Variants in CNBD1 observed in about 807,000 individuals in gnomAD.
The protein encoded by CNBD1 is cyclic nucleotide-binding domain-containing protein 1.
A neutral mutation model predicts 54.4 loss-of-function variants in CNBD1; 71 were observed. That is an observed-to-expected ratio of 1.30 (90% CI 1.08 to 1.59). CNBD1 has a LOEUF of 1.59. Ranked by LOEUF, CNBD1 falls within the 40% of genes most tolerant of loss-of-function variation. The pLI is 0.00. For synonymous variants in CNBD1, 182 were observed against 170.7 expected (o/e 1.07, Z -0.51); for missense variants, 659 against 518.0 (o/e 1.27, Z -2.64).
chr8:87,188,345 A>G (rs1813524064), intron 4 of CNBD1, among the ~76,000 whole-genome samples: 1 of 152,228 alleles, frequency 6.6e-6, no homozygotes, highest in African/African-American at 2.4e-5. Context: ...TGTGTGAGGC[A>G]AGGACAAGGT....
At chr8:87,155,407 C>G (rs1392287341) in intron 4 of CNBD1, among the ~76,000 whole-genome samples, 1 of 152,062 alleles carries the variant, frequency 6.6e-6, no homozygotes, top group African/African-American at 2.4e-5. Flanking sequence ...TAAATAGAGT[C>G]TGAGAAACCA....
chr8:87,323,657 C>T (rs1307441114), intron 8 of CNBD1, among the ~76,000 whole-genome samples: 1 of 134,902 alleles, frequency 7.4e-6, no homozygotes, highest in Non-Finnish European at 1.6e-5. Flanking sequence ...GATTTTGTAT[C>T]CTGAGACTTT....
chr8:87,380,986 A>T (rs182383269), intron 10 of CNBD1, among the ~76,000 whole-genome samples: 1 of 152,052 alleles, frequency 6.6e-6, no homozygotes, highest in Non-Finnish European at 1.5e-5. Flanking sequence ...TGTCTTGGCA[A>T]TGACTTCATG....
chr8:86,954,161 A>C (rs1314320177), intron 4 of CNBD1, among the ~76,000 whole-genome samples: 1 of 152,184 alleles, frequency 6.6e-6, no homozygotes, highest in Admixed American at 6.5e-5. Context: ...AAGCAAACAA[A>C]AATCTTTCAT....
rs1188419525 is a variant in CNBD1, at chr8:87,354,023, T to C, written c.1303+237T>C. On this transcript the variant is annotated intron_variant, in intron 10 of 10. Transcript: ENST00000518476. ...TTCATTTTCATCATATAGAAAGAGG[T>C]GAGGACTTGATGCCGAGGTTTGATG... The C allele has an allele frequency of 1.6e-5, 5 of 317,566 alleles. No homozygotes were observed. The East Asian group carries it at 2.6e-4, about 16-fold the overall frequency. The allele number at this position is 317,566 out of a possible 1,614,324, so 19.7% of individuals were successfully genotyped here.
intron 8 of CNBD1, among the ~76,000 whole-genome samples, chr8:87,319,887 G>T (rs1024102677): frequency 3.9e-5 from 6 of 151,970 alleles, no homozygotes; most frequent in Admixed American, 2.6e-4. Flanking sequence ...TGATACCCTT[G>T]CATTGGATTT....
chr8:87,275,661 A>G (rs1196516795), intron 6 of CNBD1, among the ~76,000 whole-genome samples: 10 of 151,676 alleles, frequency 6.6e-5, no homozygotes, highest in Admixed American at 3.3e-4. Flanking sequence ...GAAAACTGGC[A>G]CAAGACAGGG....
chr8:87,354,053 G>A (rs1048421647), intron 10 of CNBD1, among the ~76,000 whole-genome samples: 2 of 152,090 alleles, frequency 1.3e-5, no homozygotes, highest in Admixed American at 1.3e-4. Context: ...TTGATGCAGG[G>A]GCTGCCTGAG....
At chr8:87,361,219 A>C (rs1027181171) in intron 10 of CNBD1, among the ~76,000 whole-genome samples, 1 of 151,970 alleles carries the variant, frequency 6.6e-6, no homozygotes, top group African/African-American at 2.4e-5. Context: ...CTCCTCTTAT[A>C]ATTTGTTATT....
chr8:86,878,701 G>T (rs1378153269), intron 1 of CNBD1, among the ~76,000 whole-genome samples: 2 of 152,102 alleles, frequency 1.3e-5, no homozygotes, highest in Non-Finnish European at 2.9e-5. Flanking sequence ...TTCAAGTAAG[G>T]TTTAGTGGCT....
intron 10 of CNBD1, among the ~76,000 whole-genome samples, chr8:87,367,408 C>G (rs957899517): frequency 6.6e-6 from 1 of 152,022 alleles, no homozygotes; most frequent in African/African-American, 2.4e-5. Flanking sequence ...CTCATTACAT[C>G]CCCTTGCAGA....
chr8:87,046,132 A>C (rs1353317705), intron 4 of CNBD1, among the ~76,000 whole-genome samples: 1 of 150,784 alleles, frequency 6.6e-6, no homozygotes, highest in Middle Eastern at 3.2e-3. Flanking sequence ...TTGCATTACC[A>C]CTGCGGCTAG....
rs529011749 is a variant in CNBD1 at position 87,307,296 on chromosome 8, C to T, written c.1042+20625C>T. On this transcript the variant is annotated intron_variant, in intron 8 of 10. Coordinates refer to ENST00000518476, the MANE Select transcript of CNBD1 (RefSeq NM_173538.3). ...ACACAATTTAACTGGCATTAATTGA[C>T]GTACATGAGGATATTAAAGTGTAGG... Among the ~76,000 whole-genome samples the T allele has an allele frequency of 1.8e-4, 27 of 152,224 alleles. No individual in the cohort carries two copies. In the South Asian group the frequency reaches 2.5e-3, roughly 14 times the overall value.
rs753378577 is a variant in CNBD1 at position 87,236,907 on chromosome 8, TG to T, written c.578-11del. The T allele has an allele frequency of 6.3e-7, 1 of 1,576,540 alleles. No homozygotes were observed. On this transcript the variant is annotated splice_polypyrimidine_tract_variant and intron_variant, in intron 5 of 10. Coordinates refer to ENST00000518476, the MANE Select transcript of CNBD1 (RefSeq NM_173538.3). Reference sequence around the variant, plus strand: ...GCACACAGTATATATTTTTTGGCTTTGTTTTTTTCAGTGGTTGCAAATGATG... The same window carrying T: ...GCACACAGTATATATTTTTTGGCTTTTTTTTTTCAGTGGTTGCAAATGATG...
intron 1 of CNBD1, among the ~76,000 whole-genome samples, chr8:86,876,196 T>A (rs867788562): frequency 0.018 from 2,763 of 151,958 alleles, 53 homozygotes; most frequent in Middle Eastern, 0.15. Context: ...TGTGTGTGTG[T>A]GTGTGTGTGT....
chr8:86,930,318 T>G (rs2130401757), intron 3 of CNBD1, among the ~76,000 whole-genome samples: 1 of 152,298 alleles, frequency 6.6e-6, no homozygotes, highest in East Asian at 1.9e-4. Context: ...TTTAGATGCC[T>G]TGTACCCTTG....
At chr8:87,423,677 C>T (rs1480882731) in intron 2 of CNBD1, among the ~76,000 whole-genome samples, 1 of 149,464 alleles carries the variant, frequency 6.7e-6, no homozygotes, top group Admixed American at 6.6e-5. Flanking sequence ...ATTCGGTTTG[C>T]CAGTATTTTA....
chr8:87,257,760 C>G (rs2130845808), intron 6 of CNBD1, among the ~76,000 whole-genome samples: 1 of 152,200 alleles, frequency 6.6e-6, no homozygotes, highest in East Asian at 1.9e-4. Flanking sequence ...TTGACTTAGA[C>G]TGTGGAGTTC....
intron 4 of CNBD1, among the ~76,000 whole-genome samples, chr8:86,995,248 A>G (rs945043945): frequency 6.6e-6 from 1 of 152,212 alleles, no homozygotes; most frequent in Non-Finnish European, 1.5e-5. Context: ...CAGAATGGGA[A>G]GTTCTACAGT....
Sources: gnomAD v4.1 joint callset for allele counts (sites outside exome capture counted in the v4.1 genomes callset) on GRCh38, gnomAD v4.1.1 for gene constraint, MANE v1.5 for transcripts, NCBI Gene and HGNC (gene_info 2026-07-23, HGNC 2026-07-21) for gene names.